Variants in C6orf89 observed in about 807,000 individuals in gnomAD.
C6orf89 encodes the protein bombesin receptor-activated protein C6orf89.
In C6orf89, 29 loss-of-function variants were observed where a neutral mutation model predicts 40.7. The observed-to-expected ratio is 0.71, with a 90% CI of 0.53 to 0.97. The LOEUF is 0.97. Ranked by LOEUF, C6orf89 falls within the 50% of genes least tolerant of loss-of-function variation. The pLI, the probability that C6orf89 is intolerant of heterozygous loss-of-function variation, is 0.00. For synonymous variants in C6orf89, 165 were observed against 152.2 expected (o/e 1.08, Z -0.62); for missense variants, 392 against 429.1 (o/e 0.91, Z 0.76).
chr6:36,873,304 A>T (rs1240781417), intron 1 of C6orf89, among the ~76,000 whole-genome samples: 1 of 151,980 alleles, frequency 6.6e-6, no homozygotes, highest in Non-Finnish European at 1.5e-5. Context: ...GTCATAGCCA[A>T]AAAAAAAGGA....
chr6:36,914,198 C>T (rs1272731258), intron 4 of C6orf89, 86 bp from the exon 5 acceptor site: 2 of 1,206,132 alleles, frequency 1.7e-6, no homozygotes, highest in Admixed American at 2.3e-5. Context: ...TGATGTCTTT[C>T]CTTTCTTGTT....
chr6:36,907,335 T>G (rs533937641), intron 4 of C6orf89, among the ~76,000 whole-genome samples: 4 of 151,636 alleles, frequency 2.6e-5, no homozygotes, highest in Non-Finnish European at 5.9e-5. Flanking sequence ...ATAATCTATG[T>G]AACAGTACTC....
chr6:36,919,702 G>C lies in C6orf89; in HGVS notation c.949+1G>C. On this transcript the variant is annotated splice_donor_variant, in intron 8 of 8. Transcript: ENST00000480824. LOFTEE classifies it high-confidence loss of function. ...ATGCCAATAGAGCCAGGGGATATCGGTATGTAGGGCCCCAGGAGGGCAGGG... is the reference window on the plus strand; with the variant it reads ...ATGCCAATAGAGCCAGGGGATATCGCTATGTAGGGCCCCAGGAGGGCAGGG... 6.2e-7 allele frequency: 1 copy of C among 1,608,824 alleles called. No individual in the cohort carries two copies. Among genetic ancestry groups the C allele is most frequent in the Non-Finnish European group, 8.5e-7 (1 of 1,176,836 alleles).
chr6:36,922,871 G>A (rs1346273224), intron 8 of C6orf89, among the ~76,000 whole-genome samples: 2 of 152,208 alleles, frequency 1.3e-5, no homozygotes, highest in Non-Finnish European at 2.9e-5. Context: ...TGTAAAAGCT[G>A]AGACTTGATG....
At chr6:36,901,318 ATTATT>A (rs1761686282) in intron 3 of C6orf89, among the ~76,000 whole-genome samples, 3 of 65,134 alleles carry the variant, frequency 4.6e-5, no homozygotes, top group African/African-American at 6.5e-5. Context: ...TATTATTATT[ATTATT>A]TTTTTTTTTT....
chr6:36,923,375 CTACGTTA>C lies in C6orf89; in HGVS notation c.981_987del (p.Tyr327Ter). 1 of 1,614,072 alleles carries C rather than the reference CTACGTTA, an allele frequency of 6.2e-7. No homozygotes were observed. The highest frequency in any genetic ancestry group is 1.3e-5 in the African/African-American group (1 of 75,054). The stretch of plus-strand genomic sequence containing the variant: ...ATGTCGACACCACCCACTGGAAGGT[CTACGTTA>C]TAGCCAGAGGGGTCCAGCCTTTGGT... On this transcript the variant is annotated frameshift_variant, in exon 9 of 9. Transcript: ENST00000480824. LOFTEE classifies it high-confidence loss of function.
At chr6:36,909,814 TCAAA>T (rs1189924756) in intron 4 of C6orf89, among the ~76,000 whole-genome samples, 6 of 151,852 alleles carry the variant, frequency 4.0e-5, no homozygotes, top group African/African-American at 1.2e-4. Context: ...TTTTGTTAAT[TCAAA>T]CAGAGGCTTA....
At chr6:36,877,747 A>G (rs757444434) in intron 1 of C6orf89, among the ~76,000 whole-genome samples, 4 of 152,234 alleles carry the variant, frequency 2.6e-5, no homozygotes, top group Non-Finnish European at 5.9e-5. Flanking sequence ...AAGCCTCTAT[A>G]ACAATATCTC....
intron 6 of C6orf89, among the ~76,000 whole-genome samples, chr6:36,916,190 T>C (rs1260532957): frequency 6.6e-6 from 1 of 152,198 alleles, no homozygotes; most frequent in Non-Finnish European, 1.5e-5. Flanking sequence ...ATATATATTG[T>C]TTTAGCTGCA....
chr6:36,878,162 T>C (rs1774709507), intron 1 of C6orf89, among the ~76,000 whole-genome samples: 2 of 152,232 alleles, frequency 1.3e-5, no homozygotes, highest in Admixed American at 6.5e-5. Flanking sequence ...CCCAGCACCA[T>C]TGATTGAAAG....
chr6:36,928,466 A>C lies in C6orf89; in HGVS notation c.*5025A>C, dbSNP rs1265002710. On this transcript the variant is annotated 3_prime_UTR_variant, in exon 9 of 9. Transcript: ENST00000480824. ...ACACTGCAACCCCCCAGCACTGTGG[A>C]CCCTTCCAGGGAGGTGACAGGAGCC... 6.5e-6 allele frequency: 1 copy of C among 152,788 alleles called. No individual in the cohort carries two copies. The highest frequency in any genetic ancestry group is 1.5e-5 in the Non-Finnish European group (1 of 68,424). 9.5% of individuals were successfully genotyped at this position (152,788 alleles called of 1,614,324 possible).
intron 4 of C6orf89, among the ~76,000 whole-genome samples, chr6:36,909,782 CAA>C (rs34739520): frequency 0.34 from 30,804 of 90,794 alleles, 2,996 homozygotes; most frequent in East Asian, 0.42. Context: ...GAGCCTGTCT[CAA>C]AAAAAAAAAA....
rs142798618 is a variant in C6orf89 at position 36,880,165 on chromosome 6, C to A, written c.-503+1033C>A. The stretch of plus-strand genomic sequence containing the variant: ...AAGCCAGAAATATCAGCCATTTGGC[C>A]TGGGTAAAATCAGTAATAAGAAATT... On this transcript the variant is annotated intron_variant, in intron 2 of 9. Transcript: ENST00000359359. Among the ~76,000 whole-genome samples, 365 of 152,230 alleles carry A rather than the reference C, an allele frequency of 2.4e-3. 1 individual carries two copies. The highest frequency in any genetic ancestry group is 8.5e-3 in the African/African-American group (353 of 41,522).
chr6:36,903,882 T>A (rs1389839802), intron 4 of C6orf89, among the ~76,000 whole-genome samples: 1 of 152,062 alleles, frequency 6.6e-6, no homozygotes, highest in African/African-American at 2.4e-5. Flanking sequence ...AGCTCAGATA[T>A]TTCATTTGAA....
intron 1 of C6orf89, chr6:36,874,624 G>C: frequency 6.6e-7 from 1 of 1,519,050 alleles, no homozygotes; most frequent in Non-Finnish European, 9.1e-7. Context: ...GTGGAGGCCG[G>C]CCTCCCGGAG....
chr6:36,895,612 G>A (rs1290412550), intron 2 of C6orf89, among the ~76,000 whole-genome samples: 2 of 152,070 alleles, frequency 1.3e-5, no homozygotes, highest in Admixed American at 6.6e-5. Context: ...GTAGTTTTTC[G>A]TGACTGTCTT....
intron 2 of C6orf89, among the ~76,000 whole-genome samples, chr6:36,896,726 C>T (rs1025924496): frequency 2.6e-4 from 40 of 152,050 alleles, no homozygotes; most frequent in African/African-American, 9.2e-4. Flanking sequence ...AAACCATTGC[C>T]GAATCCCAGA....
intron 7 of C6orf89, among the ~76,000 whole-genome samples, chr6:36,917,478 G>A (rs1201504185): frequency 1.3e-5 from 2 of 152,120 alleles, no homozygotes; most frequent in Non-Finnish European, 2.9e-5. Flanking sequence ...AGGTTTTTGA[G>A]CCTGGATCGG....
Position 36,924,849 on chromosome 6 carries a change from A to G in C6orf89, c.*1408A>G, listed in dbSNP as rs1043896162. 3.3e-5 allele frequency: 5 copies of G among 152,188 alleles called. No individual in the cohort carries two copies. The highest frequency in any genetic ancestry group is 4.8e-5 in the African/African-American group (2 of 41,454). 9.4% of individuals were successfully genotyped at this position (152,188 alleles called of 1,614,324 possible). A position where few individuals can be genotyped will look rare whatever the true frequency, so the allele number is the denominator to read the frequency against. On this transcript the variant is annotated 3_prime_UTR_variant, in exon 9 of 9. Transcript: ENST00000480824. The stretch of plus-strand genomic sequence containing the variant: ...CAATGACGAGTGAAGATGGTTGTGA[A>G]GCCCTCTTCATTCCTGGAGGAGCCT...
Sources: gnomAD v4.1 joint callset for allele counts (sites outside exome capture counted in the v4.1 genomes callset) on GRCh38, gnomAD v4.1.1 for gene constraint, MANE v1.5 for transcripts, NCBI Gene and HGNC (gene_info 2026-07-23, HGNC 2026-07-21) for gene names.